The following ADAM8 variants were observed in gnomAD, a reference collection of about 807,000 sequenced individuals.
ADAM8 encodes the protein disintegrin and metalloproteinase domain-containing protein 8.
Under a neutral mutation model 102.4 loss-of-function variants are expected in ADAM8, and 104 were observed. The observed-to-expected ratio is 1.02, with a 90% CI of 0.87 to 1.20. The LOEUF is 1.20. Among genes scored for constraint, ADAM8 ranks in the 50% most tolerant of loss-of-function variants. The pLI is 0.00. For missense variants in ADAM8, 1,132 were observed against 1,159.0 expected (o/e 0.98, Z 0.34); for synonymous variants, 517 against 485.2 (o/e 1.07, Z -0.86).
intron 21 of ADAM8, 32 bp from the exon 22 acceptor site, chr10:133,263,797 C>T: frequency 3.4e-6 from 5 of 1,486,432 alleles, no homozygotes; most frequent in Non-Finnish European, 4.5e-6. Flanking sequence ...TGACATGGGT[C>T]CCCCAGGCAC....
At chr10:133,272,705 A>G (rs1489699920) in intron 8 of ADAM8, 93 bp downstream of exon 8, 8 of 1,532,090 alleles carry the variant, frequency 5.2e-6, no homozygotes, top group Non-Finnish European at 7.0e-6. Context: ...GGTGCGGGGC[A>G]GAGCTGGAGC....
chr10:133,269,708 T>C (rs988928573), intron 17 of ADAM8, among the ~76,000 whole-genome samples, 179 bp from the exon 18 acceptor site: 6 of 152,162 alleles, frequency 3.9e-5, no homozygotes, highest in African/African-American at 1.4e-4. Flanking sequence ...CCGGTGACCA[T>C]GCAGGTTCCA....
rs551584402 is a variant in ADAM8, at chr10:133,270,208, C to G, written c.1785+152G>C. 5.6e-4 allele frequency: 669 copies of G among 1,203,750 alleles called. 1 individual carries two copies. The African/African-American group carries it at 6.2e-3, about 11-fold the overall frequency. The allele number at this position is 1,203,750 out of a possible 1,614,324, so 74.6% of individuals were successfully genotyped here. On this transcript the variant is annotated intron_variant, in intron 16 of 22. Transcript: ENST00000445355. Reference sequence around the variant, plus strand: ...CTGAGAACCATGTCTCTCCCCACCCCCGGAAACCTTTCAGTCTCTACTAGA... The same window carrying G: ...CTGAGAACCATGTCTCTCCCCACCCGCGGAAACCTTTCAGTCTCTACTAGA...
intron 8 of ADAM8, 70 bp downstream of exon 8, chr10:133,272,728 C>T: frequency 2.7e-6 from 4 of 1,498,984 alleles, no homozygotes; most frequent in Non-Finnish European, 2.7e-6. Flanking sequence ...GTGGAATGAA[C>T]CCTGTGGCAA....
At position 133,269,470 on chromosome 10, in the gene ADAM8, C is replaced by T. The variant is rs768186391; in HGVS notation, c.1923G>A (p.Ala641=). ...CHAGWAPPHC[A]KLLTEVHAAS... ...CTGCGTGCACCTCAGTCAGCAGCTT[C>T]GCGCAGTGGGGCGGGGCCCAGCCCG... Residue 641 remains alanine (A), a synonymous_variant, in exon 18 of 23, where the codon GCG becomes GCA. Coordinates refer to ENST00000445355, the MANE Select transcript of ADAM8 (RefSeq NM_001109.5). 2.3e-5 allele frequency: 37 copies of T among 1,600,444 alleles called. No individual in the cohort carries two copies. Among genetic ancestry groups the T allele is most frequent in the African/African-American group, 9.3e-5 (7 of 74,924 alleles).
In ADAM8 at chr10:133,273,641, G is replaced by A; in HGVS notation, c.383+121C>T. On this transcript the variant is annotated intron_variant, in intron 5 of 22. Coordinates refer to ENST00000445355, the MANE Select transcript of ADAM8 (RefSeq NM_001109.5). Reference sequence around the variant, plus strand: ...GTCCCCTGAGCAGACCCCCATGCAAGACAGCAAAGGCCTGAGTGGGAGGAG... The same window carrying A: ...GTCCCCTGAGCAGACCCCCATGCAAAACAGCAAAGGCCTGAGTGGGAGGAG... The A allele has an allele frequency of 2.3e-6, 3 of 1,331,206 alleles. No homozygotes were observed. The South Asian group carries it at 4.2e-5, about 19-fold the overall frequency. The allele number at this position is 1,331,206 out of a possible 1,614,324, so 82.5% of individuals were successfully genotyped here.
Position 133,271,673 on chromosome 10 carries a change from C to G in ADAM8, c.1139G>C (p.Ser380Thr). Residue 380 changes from serine to threonine, a missense_variant, in exon 12 of 23, where the codon AGC becomes ACC. Ser to Thr is a moderately conservative substitution (Grantham distance 58). Coordinates refer to ENST00000445355, the MANE Select transcript of ADAM8 (RefSeq NM_001109.5). ...SSFPRMFSDC[S>T]QAYLESFLER... ...CAAAAAGCTCTCCAGGTAGGCCTGG[C>G]TGCAGTCACTGAACATCCTGGGGAA... 3.2e-6 allele frequency: 5 copies of G among 1,569,420 alleles called. No homozygotes were observed. The highest frequency in any genetic ancestry group is 4.3e-6 in the Non-Finnish European group (5 of 1,157,244).
chr10:133,274,027 T>C lies in ADAM8; in HGVS notation c.230A>G (p.Asp77Gly). The change falls in exon 4 of 23, where the codon GAC becomes GGC. Residue 77 changes from aspartate to glycine, a missense_variant and splice_region_variant. Coordinates refer to ENST00000445355, the MANE Select transcript of ADAM8 (RefSeq NM_001109.5). The stretch of plus-strand genomic sequence containing the variant: ...CTCTGTGTAGCCGGAGCCCAGCAGG[T>C]CCCTGGAAAAGAAGTGCTGTGACTG... ...NFTLHLRKNR[D>G]LLGSGYTETY... The C allele has an allele frequency of 1.2e-6, 2 of 1,605,360 alleles. No individual in the cohort carries two copies. Among genetic ancestry groups the C allele is most frequent in the Non-Finnish European group, 8.5e-7 (1 of 1,177,498 alleles).
chr10:133,267,714 A>G (rs187972282), intron 20 of ADAM8, among the ~76,000 whole-genome samples: 9 of 152,344 alleles, frequency 5.9e-5, no homozygotes, highest in Non-Finnish European at 7.3e-5. Flanking sequence ...CTCAGATTCT[A>G]TCATGGCTCA....
chr10:133,271,496 C>T, intron 12 of ADAM8, 32 bp downstream of exon 12: 1 of 1,527,786 alleles, frequency 6.5e-7, no homozygotes, highest in Non-Finnish European at 8.8e-7. Context: ...GCACCCAGTG[C>T]TGACGGGAGC....
intron 11 of ADAM8, 37 bp downstream of exon 11, chr10:133,271,769 C>T: frequency 6.2e-7 from 1 of 1,603,390 alleles, no homozygotes; most frequent in Non-Finnish European, 8.5e-7. Context: ...CTCGTACCTC[C>T]AGCATACCCT....
intron 15 of ADAM8, 100 bp downstream of exon 15, chr10:133,270,636 C>T: frequency 6.5e-7 from 1 of 1,538,806 alleles, no homozygotes. Flanking sequence ...GGGTCCAGAG[C>T]AGACCCTCAT....
intron 18 of ADAM8, 115 bp downstream of exon 18, chr10:133,269,330 C>T: frequency 1.6e-6 from 2 of 1,286,264 alleles, no homozygotes; most frequent in Non-Finnish European, 2.1e-6. Flanking sequence ...CCTGTGGCAG[C>T]AAACTGGCAC....
intron 5 of ADAM8, 62 bp from the exon 6 acceptor site, chr10:133,273,505 G>C: frequency 6.8e-7 from 1 of 1,466,840 alleles, no homozygotes; most frequent in Non-Finnish European, 9.1e-7. Context: ...TGCCCCGAAG[G>C]ACCAGAGGCT....
Position 133,269,771 on chromosome 10 carries a change from C to A in ADAM8, c.1863+126G>T, listed in dbSNP as rs1221241529. The A allele has an allele frequency of 3.4e-5, 40 of 1,167,116 alleles. No homozygotes were observed. In the Admixed American group the frequency reaches 5.9e-4, roughly 17 times the overall value. 72.3% of individuals were successfully genotyped at this position (1,167,116 alleles called of 1,614,324 possible). A position where few individuals can be genotyped will look rare whatever the true frequency, so the allele number is the denominator to read the frequency against. ...CAGCCGACAGGGGCTCCACAGAGAC[C>A]CCCATGGACAGGACACGCCAGGCTC... On this transcript the variant is annotated intron_variant, in intron 17 of 22. Transcript: ENST00000445355.
Position 133,272,754 on chromosome 10 carries a change from C to G in ADAM8, c.705+44G>C, listed in dbSNP as rs372702049. On this transcript the variant is annotated intron_variant, in intron 8 of 22. Transcript: ENST00000445355. The stretch of plus-strand genomic sequence containing the variant: ...CCTGTGGCAACACCCCCCCCACCTC[C>G]CGCCAGGGGCTCTGGCACCTCTGCA... 5.2e-5 allele frequency: 82 copies of G among 1,571,934 alleles called. 1 individual carries two copies. In the African/African-American group the frequency reaches 1.0e-3, roughly 19 times the overall value.
chr10:133,263,771 A>G lies in ADAM8; in HGVS notation c.2320-6T>C. On this transcript the variant is annotated splice_polypyrimidine_tract_variant and splice_region_variant and intron_variant, in intron 21 of 22. Transcript: ENST00000445355. ...GCGAACGTTGGCTTGATGACCTGGG[A>G]GGAAACAGACACAGCTGACATGGGT... The G allele has an allele frequency of 6.4e-7, 1 of 1,553,192 alleles. No individual in the cohort carries two copies. The highest frequency in any genetic ancestry group is 8.7e-7 in the Non-Finnish European group (1 of 1,148,470).
intron 2 of ADAM8, chr10:133,274,863 C>T (rs544571943): frequency 1.8e-5 from 8 of 433,140 alleles, no homozygotes; most frequent in Middle Eastern, 3.4e-4. Context: ...GGCTGGGGCT[C>T]GGCCTGCAGA....
intron 1 of ADAM8, chr10:133,275,916 C>T: frequency 3.6e-6 from 1 of 279,632 alleles, no homozygotes; most frequent in Non-Finnish European, 6.7e-6. Context: ...GAACCTTCCC[C>T]CCAGGGAGGA....
Sources: gnomAD v4.1 joint callset for allele counts (sites outside exome capture counted in the v4.1 genomes callset) on GRCh38, gnomAD v4.1.1 for gene constraint, MANE v1.5 for transcripts, NCBI Gene and HGNC (gene_info 2026-07-23, HGNC 2026-07-21) for gene names.